APLP2: variants seen among roughly 807,000 people sequenced by gnomAD.
APLP2 encodes amyloid beta precursor like protein 2, also known as CDEI box-binding protein.
In APLP2, 53 loss-of-function variants were observed where a neutral mutation model predicts 89.9. The observed-to-expected ratio is 0.59, with a 90% CI of 0.47 to 0.74. The LOEUF (loss-of-function observed/expected upper bound fraction) is 0.74, where lower values mean the gene tolerates loss of function less well. APLP2 is among the 30% of genes least tolerant of loss of function. APLP2 has a pLI of 0.00. For missense variants in APLP2, 973 were observed against 975.9 expected (o/e 1.00, Z 0.04); for synonymous variants, 372 against 348.6 (o/e 1.07, Z -0.75).
chr11:130,135,323 C>G (rs1005229332), intron 12 of APLP2, among the ~76,000 whole-genome samples: 1 of 151,982 alleles, frequency 6.6e-6, no homozygotes, highest in African/African-American at 2.4e-5. Context: ...TTTTTTAAAC[C>G]CCCAAAATCT....
chr11:130,133,415 G>A (rs560765625), intron 11 of APLP2, among the ~76,000 whole-genome samples: 8 of 152,254 alleles, frequency 5.3e-5, no homozygotes, highest in South Asian at 4.1e-4. Context: ...GAGCCACCAC[G>A]CCCAGGCTGA....
Position 130,109,419 on chromosome 11 carries a change from C to T in APLP2, c.106-10C>T, listed in dbSNP as rs1392036503. 3 of 1,601,734 alleles carry T rather than the reference C, an allele frequency of 1.9e-6. No homozygotes were observed. Among genetic ancestry groups the T allele is most frequent in the African/African-American group, 1.3e-5 (1 of 74,144 alleles). Reference sequence around the variant, plus strand: ...TTGGAGTAAACCTGCAATTTTTTTCCCTTTGGTAGGCTCTTGCAGCCAATG... The same window carrying T: ...TTGGAGTAAACCTGCAATTTTTTTCTCTTTGGTAGGCTCTTGCAGCCAATG... On this transcript the variant is annotated splice_polypyrimidine_tract_variant and intron_variant, in intron 1 of 16. Transcript: ENST00000338167.
rs905835415 is a variant in APLP2 at position 130,129,066 on chromosome 11, A to C, written c.1315A>C (p.Lys439Gln). The part of the protein sequence containing the change: ...TLIQHFQAMV[K>Q]ALEKEAASEK... ...GGTTTAGCACTTCCAAGCCATGGTT[A>C]AAGCTTTAGAGAAGGAAGCAGCCAG... is the stretch of plus-strand genomic sequence containing the variant. The change falls in exon 10 of 17, where the codon AAA (lysine) becomes CAA (glutamine). Residue 439 changes from lysine to glutamine, a missense_variant. Transcript: ENST00000338167. 9.9e-6 allele frequency: 16 copies of C among 1,613,880 alleles called. No homozygotes were observed. The highest frequency in any genetic ancestry group is 1.4e-5 in the Non-Finnish European group (16 of 1,179,910).
At chr11:130,117,447 C>T (rs920852259) in intron 3 of APLP2, among the ~76,000 whole-genome samples, 1 of 145,278 alleles carries the variant, frequency 6.9e-6, no homozygotes, top group African/African-American at 2.5e-5. Context: ...TCATCTCCAT[C>T]TTTTTTTTTT....
At chr11:130,131,163 A>G (rs1950901851) in intron 11 of APLP2, among the ~76,000 whole-genome samples, 1 of 152,222 alleles carries the variant, frequency 6.6e-6, no homozygotes, top group Non-Finnish European at 1.5e-5. Context: ...CAATGGCACC[A>G]TCTCAGCTCA....
chr11:130,142,078 A>T lies in APLP2; in HGVS notation c.2154+4A>T. ...CATCAGCCACGGGATCGTGGAGGTGAGGAGCTGGGCTGCTGAGGGCCTGCT... is the reference window on the plus strand; with the variant it reads ...CATCAGCCACGGGATCGTGGAGGTGTGGAGCTGGGCTGCTGAGGGCCTGCT... On this transcript the variant is annotated splice_donor_region_variant and intron_variant, in intron 16 of 16. Coordinates refer to ENST00000338167, the MANE Select transcript of APLP2 (RefSeq NM_001142276.2). 6.2e-7 allele frequency: 1 copy of T among 1,608,672 alleles called. No homozygotes were observed. Among genetic ancestry groups the T allele is most frequent in the Non-Finnish European group, 8.5e-7 (1 of 1,177,380 alleles).
At position 130,082,683 on chromosome 11, in the gene APLP2, A is replaced by G. The variant is rs572974273; in HGVS notation, c.105+12601A>G. On this transcript the variant is annotated intron_variant, in intron 1 of 16. Coordinates refer to ENST00000338167, the MANE Select transcript of APLP2 (RefSeq NM_001142276.2). The stretch of plus-strand genomic sequence containing the variant: ...TGGTCTCCCAGCATGAAGCCCTCTA[A>G]GTCAGCCTGGGCACACGCCACTGCA... 9.6e-5 allele frequency: 18 copies of G among 186,792 alleles called. No homozygotes were observed. In the East Asian group the frequency reaches 2.7e-3, roughly 28 times the overall value. 11.6% of individuals were successfully genotyped at this position (186,792 alleles called of 1,614,324 possible). A position where few individuals can be genotyped will look rare whatever the true frequency, so the allele number is the denominator to read the frequency against.
At chr11:130,097,538 G>A (rs1446575284) in intron 1 of APLP2, among the ~76,000 whole-genome samples, 1 of 152,128 alleles carries the variant, frequency 6.6e-6, no homozygotes, top group Non-Finnish European at 1.5e-5. Flanking sequence ...TGCAAAAAAT[G>A]TTTGTTTAAT....
chr11:130,070,021 T>C lies in APLP2; in HGVS notation c.44T>C (p.Leu15Pro), dbSNP rs1437176862. The C allele has an allele frequency of 4.0e-6, 6 of 1,511,690 alleles. No homozygotes were observed. Among genetic ancestry groups the C allele is most frequent in the South Asian group, 1.2e-5 (1 of 82,338 alleles). 93.6% of individuals were successfully genotyped at this position (1,511,690 alleles called of 1,614,324 possible). ...GCGGCCGCCGCAGCCACGGGCAGGC[T>C]CCTGCTTCTGCTGCTGGTGGGGCTC... is the stretch of plus-strand genomic sequence containing the variant. ...GTAAAAATGR[L>P]LLLLLVGLTA... Residue 15 changes from leucine (L) to proline (P), a missense_variant, in exon 1 of 17, where the codon CTC (leucine) becomes CCC (proline). By Grantham distance (98) the Leu-to-Pro change is moderately conservative (BLOSUM62 -3). Transcript: ENST00000338167.
At chr11:130,120,135 C>A (rs1192212609) in intron 3 of APLP2, among the ~76,000 whole-genome samples, 1 of 152,146 alleles carries the variant, frequency 6.6e-6, no homozygotes, top group Non-Finnish European at 1.5e-5. Flanking sequence ...ATCACACACA[C>A]CAGTTTGCTC....
intron 1 of APLP2, among the ~76,000 whole-genome samples, chr11:130,075,866 C>CA (rs1467811276): frequency 6.6e-6 from 1 of 152,104 alleles, no homozygotes; most frequent in Non-Finnish European, 1.5e-5. Context: ...TTCCCATTAC[C>CA]AAAACCTGGT....
intron 1 of APLP2, among the ~76,000 whole-genome samples, chr11:130,077,468 GAGAGGTGAACTATT>G (rs1942328700): frequency 6.6e-6 from 1 of 152,140 alleles, no homozygotes; most frequent in Admixed American, 6.5e-5. Flanking sequence ...TTTTTACCCG[GAGAGGTGAACTATT>G]AGAGCTTTTA....
Position 130,127,758 on chromosome 11 carries a change from T to C in APLP2, c.1222-8T>C, listed in dbSNP as rs1454189837. On this transcript the variant is annotated splice_polypyrimidine_tract_variant and splice_region_variant and intron_variant, in intron 8 of 16. Coordinates refer to ENST00000338167, the MANE Select transcript of APLP2 (RefSeq NM_001142276.2). ...CACTGCTGACGGCGTTTTTGACCTT[T>C]GTTCTAGGTAAAGAAGGAATGGGAA... 1.2e-6 allele frequency: 2 copies of C among 1,613,972 alleles called. No homozygotes were observed. Among genetic ancestry groups the C allele is most frequent in the South Asian group, 1.1e-5 (1 of 91,078 alleles).
chr11:130,080,240 C>A (rs1942919704), intron 1 of APLP2, among the ~76,000 whole-genome samples: 1 of 152,126 alleles, frequency 6.6e-6, no homozygotes, highest in African/African-American at 2.4e-5. Context: ...GAGACGGAAT[C>A]TTACCCTGTT....
At chr11:130,113,580 G>A (rs893841476) in intron 3 of APLP2, among the ~76,000 whole-genome samples, 2 of 152,158 alleles carry the variant, frequency 1.3e-5, no homozygotes, top group African/African-American at 4.8e-5. Context: ...TGGAGTTTAA[G>A]GGAGGGAGTA....
intron 1 of APLP2, among the ~76,000 whole-genome samples, chr11:130,084,245 C>CA (rs60341658): frequency 0.11 from 15,487 of 137,446 alleles, 1,243 homozygotes; most frequent in African/African-American, 0.23. Context: ...GACTCCGTCT[C>CA]AAAAAAAAAA....
intron 1 of APLP2, among the ~76,000 whole-genome samples, chr11:130,105,349 G>T (rs1044828566): frequency 6.6e-6 from 1 of 152,106 alleles, no homozygotes; most frequent in South Asian, 2.1e-4. Flanking sequence ...CCAGGGGGTC[G>T]AGACTGTAAT....
chr11:130,092,774 G>T (rs1402957689), intron 1 of APLP2, among the ~76,000 whole-genome samples: 1 of 151,998 alleles, frequency 6.6e-6, no homozygotes, highest in Non-Finnish European at 1.5e-5. Flanking sequence ...TTGCAATACA[G>T]TTAACGTATG....
At position 130,135,593 on chromosome 11, in the gene APLP2, T is replaced by G; in HGVS notation, c.1715T>G (p.Met572Arg). Reference sequence around the variant, plus strand: ...CTCCTTCAGGAGCAGCGTGCAGATATGGACCAGTTCACTGCCTCAATCTCA... The same window carrying G: ...CTCCTTCAGGAGCAGCGTGCAGATAGGGACCAGTTCACTGCCTCAATCTCA... ...DELLQEQRAD[M>R]DQFTASISET... The change falls in exon 13 of 17, where the codon ATG becomes AGG. Residue 572 changes from methionine (M) to arginine (R), a missense_variant. By Grantham distance (91) the Met-to-Arg change is moderately conservative (BLOSUM62 -1). Transcript: ENST00000338167. 1 of 1,614,174 alleles carries G rather than the reference T, an allele frequency of 6.2e-7. No homozygotes were observed.
Sources: allele counts gnomAD v4.1 joint callset (sites outside exome capture counted in the v4.1 genomes callset), GRCh38; gene constraint gnomAD v4.1.1; transcripts MANE v1.5; gene names NCBI Gene and HGNC (gene_info 2026-07-23, HGNC 2026-07-21).